The following DLG2 variants were observed in gnomAD, a reference collection of about 807,000 sequenced individuals.
DLG2 encodes the protein disks large homolog 2.
A neutral mutation model predicts 132.5 loss-of-function variants in DLG2; 45 were observed. That is an observed-to-expected ratio of 0.34 (90% CI 0.27 to 0.44). DLG2 has a LOEUF of 0.44. Ranked by LOEUF, DLG2 falls within the 20% of genes least tolerant of loss-of-function variation. DLG2 has a pLI of 1.00. For missense variants in DLG2, 1,045 were observed against 1,196.9 expected (o/e 0.87, Z 1.87); for synonymous variants, 424 against 419.6 (o/e 1.01, Z -0.13).
At chr11:83,500,414 T>C (rs1468447512) in intron 21 of DLG2, among the ~76,000 whole-genome samples, 3 of 152,178 alleles carry the variant, frequency 2.0e-5, no homozygotes, top group African/African-American at 4.8e-5. Flanking sequence ...TGACCTTAAA[T>C]TGGGAATATG....
At chr11:84,665,792 G>T (rs778926122) in intron 6 of DLG2, among the ~76,000 whole-genome samples, 1 of 152,108 alleles carries the variant, frequency 6.6e-6, no homozygotes, top group Non-Finnish European at 1.5e-5. Context: ...GAGTCAATGT[G>T]CTTGATACCT....
At chr11:85,592,845 A>T (rs2079458044) in intron 3 of DLG2, among the ~76,000 whole-genome samples, 1 of 151,864 alleles carries the variant, frequency 6.6e-6, no homozygotes, top group Non-Finnish European at 1.5e-5. Context: ...CCCAGGTACC[A>T]GGGAGGCTGA....
intron 5 of DLG2, among the ~76,000 whole-genome samples, chr11:85,153,956 T>C: frequency 6.6e-6 from 1 of 152,086 alleles, no homozygotes; most frequent in East Asian, 1.9e-4. Flanking sequence ...TTTTTCAGCA[T>C]TTATTTAATT....
chr11:83,467,810 T>TATATATATATACAC (rs1414160515), intron 25 of DLG2, among the ~76,000 whole-genome samples: 40 of 96,258 alleles, frequency 4.2e-4, no homozygotes, highest in Admixed American at 6.6e-4. Context: ...TATATATATA[T>TATATATATATACAC]ACACACACAC....
chr11:85,195,299 A>G (rs953898566), intron 4 of DLG2, among the ~76,000 whole-genome samples: 4 of 152,156 alleles, frequency 2.6e-5, no homozygotes, highest in Non-Finnish European at 4.4e-5. Flanking sequence ...AATGGTGACT[A>G]TATTTTTCAA....
intron 6 of DLG2, among the ~76,000 whole-genome samples, chr11:84,536,469 A>G (rs1336438150): frequency 1.3e-5 from 2 of 152,248 alleles, no homozygotes; most frequent in African/African-American, 2.4e-5. Flanking sequence ...ATTTCTGTGA[A>G]CTGCAAATAC....
Position 84,000,279 on chromosome 11 carries a change from G to A in DLG2, c.920-19637C>T, listed in dbSNP as rs2094278058. ...CTAGATTAGATGAAGAAGAATCTCC[G>A]AACTTTAAGAAAGGTCTTTTGAAAT... On this transcript the variant is annotated intron_variant, in intron 11 of 27. Transcript: ENST00000376104. 3.3e-5 allele frequency among the ~76,000 whole-genome samples: 5 copies of A among 151,768 alleles called. No homozygotes were observed. In the South Asian group the frequency reaches 8.3e-4, roughly 25 times the overall value.
chr11:85,294,518 A>G (rs1472829996), intron 3 of DLG2, among the ~76,000 whole-genome samples: 1 of 152,166 alleles, frequency 6.6e-6, no homozygotes, highest in African/African-American at 2.4e-5. Flanking sequence ...TGGCTCTGCT[A>G]CTTACTAAAT....
intron 19 of DLG2, among the ~76,000 whole-genome samples, chr11:83,549,999 T>C (rs1026349428): frequency 1.3e-5 from 2 of 152,226 alleles, no homozygotes. Flanking sequence ...TATTCTCATT[T>C]TATCGAAGGG....
chr11:85,402,370 C>T (rs989962310), intron 3 of DLG2, among the ~76,000 whole-genome samples: 4 of 152,162 alleles, frequency 2.6e-5, no homozygotes, highest in South Asian at 2.1e-4. Flanking sequence ...AAATGTAAGA[C>T]CTAACACCAT....
intron 6 of DLG2, chr11:84,923,548 T>C (rs2092862502): frequency 1.1e-5 from 11 of 1,009,156 alleles, no homozygotes; most frequent in Non-Finnish European, 1.3e-5. Context: ...GGTGTTATCC[T>C]ATTAAATACT....
intron 6 of DLG2, among the ~76,000 whole-genome samples, chr11:85,042,208 T>C (rs534811423): frequency 1.3e-5 from 2 of 152,136 alleles, no homozygotes; most frequent in East Asian, 1.9e-4. Flanking sequence ...GAGATCTATA[T>C]GTCAGCTAGA....
At chr11:83,806,703 G>A (rs767682998) in intron 17 of DLG2, among the ~76,000 whole-genome samples, 6 of 152,180 alleles carry the variant, frequency 3.9e-5, no homozygotes, top group African/African-American at 1.4e-4. Flanking sequence ...TATTACTGAG[G>A]GTGACTACAG....
chr11:84,922,480 T>A (rs946087800), intron 6 of DLG2, among the ~76,000 whole-genome samples: 2 of 152,176 alleles, frequency 1.3e-5, no homozygotes, highest in Non-Finnish European at 2.9e-5. Flanking sequence ...CAAGTGAATG[T>A]CAGTGGGGTG....
intron 6 of DLG2, among the ~76,000 whole-genome samples, chr11:84,808,205 A>T (rs1035960890): frequency 2.0e-5 from 3 of 152,104 alleles, no homozygotes; most frequent in Non-Finnish European, 4.4e-5. Context: ...AAGTGCTTGG[A>T]AACTAAAAAC....
At chr11:83,678,243 G>T (rs1197794664) in intron 18 of DLG2, among the ~76,000 whole-genome samples, 1 of 152,042 alleles carries the variant, frequency 6.6e-6, no homozygotes, top group East Asian at 1.9e-4. Context: ...GTTAATGGAG[G>T]AAAAAAGTCA....
rs2074718839 is a variant in DLG2 at position 83,906,084 on chromosome 11, TATATATATATATATATATATAC to T, written c.1496+24222_1496+24243del. ...CTCTCTCTCTCTCTCTCTCTCTCTA[TATATATATATATATATATATAC>T]ATATATAGTTTTGCACTATAAAAGC... On this transcript the variant is annotated intron_variant, in intron 15 of 27. Coordinates refer to ENST00000376104, the MANE Select transcript of DLG2 (RefSeq NM_001142699.3). Among the ~76,000 whole-genome samples, 83 of 61,312 alleles carry T rather than the reference TATATATATATATATATATATAC, an allele frequency of 1.4e-3. 1 individual carries two copies. Among genetic ancestry groups the T allele is most frequent in the African/African-American group, 6.3e-3 (81 of 12,802 alleles). The allele number at this position is 61,312 out of a possible 152,430, so 40.2% of individuals were successfully genotyped here.
chr11:84,518,228 A>C (rs1256584933), intron 7 of DLG2, among the ~76,000 whole-genome samples: 1 of 90,770 alleles, frequency 1.1e-5, no homozygotes, highest in African/African-American at 4.5e-5. Flanking sequence ...TTAATAGGCT[A>C]CTACAGATAT....
rs561625114 is a variant in DLG2, at chr11:85,536,088, A to G, written c.40+62569T>C. On this transcript the variant is annotated intron_variant, in intron 3 of 27. Transcript: ENST00000376104. ...AAAAATTAGACTGGCAAGGTGGCAC[A>G]CACCTGTAGTCCAGCTACTTGGGAG... 4.3e-4 allele frequency among the ~76,000 whole-genome samples: 66 copies of G among 151,806 alleles called. 1 individual carries two copies. In the South Asian group the frequency reaches 0.012, roughly 29 times the overall value.
Sources: allele counts gnomAD v4.1 joint callset (sites outside exome capture counted in the v4.1 genomes callset), GRCh38; gene constraint gnomAD v4.1.1; transcripts MANE v1.5; gene names NCBI Gene and HGNC (gene_info 2026-07-23, HGNC 2026-07-21).